Variants in TPST2 observed in about 807,000 individuals in gnomAD.
TPST2 encodes protein-tyrosine sulfotransferase 2.
In TPST2, 16 loss-of-function variants were observed where a neutral mutation model predicts 27.8. The observed-to-expected ratio is 0.58, with a 90% confidence interval of 0.39 to 0.88. The LOEUF is 0.88. TPST2 is among the 40% of genes least tolerant of loss of function. The probability of loss-of-function intolerance (pLI) is 0.00; values close to 1 mark genes in which losing one functional copy is unlikely to be tolerated. For missense variants in TPST2, 464 were observed against 543.1 expected (o/e 0.85, Z 1.45); for synonymous variants, 229 against 231.7 (o/e 0.99, Z 0.10).
intron 3 of TPST2, among the ~76,000 whole-genome samples, chr22:26,539,965 G>A (rs1394065431): frequency 6.6e-6 from 1 of 152,184 alleles, no homozygotes; most frequent in Non-Finnish European, 1.5e-5. Flanking sequence ...AGATAAACTT[G>A]TTGGGGGCTT....
intron 1 of TPST2, among the ~76,000 whole-genome samples, chr22:26,589,345 G>C (rs1489921578): frequency 6.6e-6 from 1 of 152,036 alleles, no homozygotes; most frequent in Non-Finnish European, 1.5e-5. Flanking sequence ...GCCAGGTCAG[G>C]CGTGCTCAGC....
intron 1 of TPST2, among the ~76,000 whole-genome samples, chr22:26,549,936 A>G (rs1462533399): frequency 6.7e-6 from 1 of 148,554 alleles, no homozygotes; most frequent in Non-Finnish European, 1.5e-5. Context: ...GCTACTCAGG[A>G]GGCTAAGGCA....
intron 1 of TPST2, among the ~76,000 whole-genome samples, chr22:26,563,186 C>T (rs1324690749): frequency 6.6e-6 from 1 of 152,186 alleles, no homozygotes; most frequent in African/African-American, 2.4e-5. Context: ...TGAGCACCTA[C>T]TGGGTGCCAG....
intron 1 of TPST2, among the ~76,000 whole-genome samples, chr22:26,583,118 GA>G (rs113898345): frequency 0.24 from 23,548 of 99,426 alleles, 2,021 homozygotes; most frequent in South Asian, 0.37. Context: ...TCTCAAAAAG[GA>G]AAAAAAAAAA....
At chr22:26,530,641 A>AAAAAAAG (rs1925102416) in intron 5 of TPST2, among the ~76,000 whole-genome samples, 1 of 151,546 alleles carries the variant, frequency 6.6e-6, no homozygotes, top group African/African-American at 2.4e-5. Context: ...CAAAAAAAAA[A>AAAAAAAG]AGGAATCAGC....
At chr22:26,576,968 T>C (rs1352838064) in intron 1 of TPST2, among the ~76,000 whole-genome samples, 2 of 151,746 alleles carry the variant, frequency 1.3e-5, no homozygotes, top group African/African-American at 4.8e-5. Context: ...TGGTGGCAGA[T>C]GCCTGTAGTC....
intron 1 of TPST2, chr22:26,560,593 G>C: frequency 9.4e-7 from 1 of 1,059,272 alleles, no homozygotes; most frequent in Non-Finnish European, 1.5e-6. Context: ...GGGCAAACTT[G>C]TCGGGAGGCG....
chr22:26,531,125 C>A (rs1925136109), intron 5 of TPST2, among the ~76,000 whole-genome samples: 1 of 152,116 alleles, frequency 6.6e-6, no homozygotes, highest in African/African-American at 2.4e-5. Flanking sequence ...CTTTTAGGAA[C>A]AAAATATGAA....
chr22:26,570,197 G>A lies in TPST2; in HGVS notation c.-161+19856C>T, dbSNP rs138183035. ...TCCACCCCACACACTTTTTTTTCCCGGCTGCTGCAGAGGAACACACAAGAC... is the reference window on the plus strand; with the variant it reads ...TCCACCCCACACACTTTTTTTTCCCAGCTGCTGCAGAGGAACACACAAGAC... On this transcript the variant is annotated intron_variant, in intron 1 of 6. Coordinates refer to ENST00000338754, the MANE Select transcript of TPST2 (RefSeq NM_003595.5). Among the ~76,000 whole-genome samples the A allele has an allele frequency of 6.5e-3, 990 of 151,690 alleles. 10 individuals are homozygous for A. Among genetic ancestry groups the A allele is most frequent in the Middle Eastern group, 0.014 (4 of 294 alleles).
chr22:26,575,228 C>T (rs1459226124), intron 1 of TPST2, among the ~76,000 whole-genome samples: 1 of 152,278 alleles, frequency 6.6e-6, no homozygotes, highest in South Asian at 2.1e-4. Flanking sequence ...AAGTCCTTAG[C>T]AGAGTACCTG....
At chr22:26,567,012 T>G (rs928432123) in intron 1 of TPST2, among the ~76,000 whole-genome samples, 1 of 152,210 alleles carries the variant, frequency 6.6e-6, no homozygotes, top group Admixed American at 6.5e-5. Context: ...ATCCCCTCCC[T>G]GAGTCCTGAC....
chr22:26,538,356 T>G (rs1399103063), intron 3 of TPST2, among the ~76,000 whole-genome samples: 2 of 152,258 alleles, frequency 1.3e-5, no homozygotes, highest in Admixed American at 1.3e-4. Context: ...CCAAAATCCT[T>G]GTGTCTCTAG....
chr22:26,554,541 T>A (rs1321976310), intron 1 of TPST2, among the ~76,000 whole-genome samples: 1 of 152,236 alleles, frequency 6.6e-6, no homozygotes, highest in East Asian at 1.9e-4. Flanking sequence ...GGCTGATTCC[T>A]AGCAATGCAG....
At chr22:26,535,464 G>A (rs537726412) in intron 4 of TPST2, among the ~76,000 whole-genome samples, 2 of 152,328 alleles carry the variant, frequency 1.3e-5, no homozygotes, top group East Asian at 1.9e-4. Flanking sequence ...CCCAGTGGGT[G>A]TTAGCCTACT....
At position 26,569,991 on chromosome 22, in the gene TPST2, A is replaced by AAGAAAGAAAGAAAGAAAG. The variant is rs1555934528; in HGVS notation, c.-161+20061_-161+20062insCTTTCTTTCTTTCTTTCT. Among the ~76,000 whole-genome samples the AAGAAAGAAAGAAAGAAAG allele has an allele frequency of 4.0e-4, 8 of 19,876 alleles. 1 individual carries two copies. The highest frequency in any genetic ancestry group is 2.0e-3 in the African/African-American group (7 of 3,520). 13.0% of individuals were successfully genotyped at this position (19,876 alleles called of 152,430 possible). ...AAGGAAGAAAGAAAGAAAAGAAAGA[A>AAGAAAGAAAGAAAGAAAG]AAAGAAAGAAAGAAAGAAAGAAAGA... On this transcript the variant is annotated intron_variant, in intron 1 of 6. Coordinates refer to ENST00000338754, the MANE Select transcript of TPST2 (RefSeq NM_003595.5).
chr22:26,563,955 G>A (rs1195060038), intron 1 of TPST2, among the ~76,000 whole-genome samples: 5 of 152,152 alleles, frequency 3.3e-5, no homozygotes, highest in Admixed American at 6.5e-5. Flanking sequence ...GGGGGTCGGC[G>A]GGCTCAGGGG....
At chr22:26,533,673 A>T (rs556124985) in intron 4 of TPST2, among the ~76,000 whole-genome samples, 290 of 147,470 alleles carry the variant, frequency 2.0e-3, no homozygotes, top group Middle Eastern at 3.6e-3. Flanking sequence ...GATATAGCTA[A>T]TTTTTTTTTT....
intron 1 of TPST2, among the ~76,000 whole-genome samples, chr22:26,549,670 A>AAAAAG (rs1926348176): frequency 6.7e-6 from 1 of 148,788 alleles, no homozygotes; most frequent in African/African-American, 2.5e-5. Context: ...AAAAAAAAAA[A>AAAAAG]AAAAAGAAAA....
At chr22:26,587,779 A>G (rs1237133983) in intron 1 of TPST2, among the ~76,000 whole-genome samples, 1 of 152,122 alleles carries the variant, frequency 6.6e-6, no homozygotes, top group Admixed American at 6.5e-5. Flanking sequence ...GCTGTTCTGG[A>G]AAAATAGTCT....
Sources: allele counts gnomAD v4.1 joint callset (sites outside exome capture counted in the v4.1 genomes callset), GRCh38; gene constraint gnomAD v4.1.1; transcripts MANE v1.5; gene names NCBI Gene and HGNC (gene_info 2026-07-23, HGNC 2026-07-21).